Variants in DMD observed in about 807,000 individuals in gnomAD.
DMD encodes dystrophin.
In DMD, 63 loss-of-function variants were observed where a neutral mutation model predicts 330.1. The observed-to-expected ratio is 0.19, with a 90% CI of 0.16 to 0.24. The LOEUF is 0.24. DMD is among the 10% of genes least tolerant of loss of function. The pLI is 1.00. For missense variants in DMD, 3,344 were observed against 2,684.1 expected, an observed-to-expected ratio of 1.25 and a Z score of -5.43; for synonymous variants, 1,223 against 959.8, an observed-to-expected ratio of 1.27 and a Z score of -5.07.
chrX:31,581,379 C>T (rs966916295), intron 55 of DMD, among the ~76,000 whole-genome samples: 1 of 111,949 alleles, frequency 8.9e-6, no homozygotes, highest in African/African-American at 3.3e-5. Flanking sequence ...TAGCACATGT[C>T]GTAGTGTGGC....
rs1569293065 is a variant in DMD at position 31,721,706 on chromosome X, CTCTCTCTCTCTCTA to C, written c.7660+7911_7660+7924del. 2.9e-3 allele frequency among the ~76,000 whole-genome samples: 142 copies of C among 49,304 alleles called. 1 individual carries two copies. The highest frequency in any genetic ancestry group is 0.015 in the East Asian group (22 of 1,489). 42.8% of individuals were successfully genotyped at this position (49,304 alleles called of 115,157 possible). On this transcript the variant is annotated intron_variant, in intron 52 of 78. Transcript: ENST00000357033. ...TCTCACTCTCTCTCTCTCTCTCTCT[CTCTCTCTCTCTCTA>C]TATATATATATATATATATATATAT...
At chrX:32,347,729 G>A (rs2097768705) in intron 38 of DMD, among the ~76,000 whole-genome samples, 1 of 111,676 alleles carries the variant, frequency 9.0e-6, no homozygotes, top group Non-Finnish European at 1.9e-5. Flanking sequence ...ATTGTGAAAA[G>A]GAGGATGAAG....
intron 2 of DMD, among the ~76,000 whole-genome samples, chrX:33,004,205 G>C (rs1310591098): frequency 8.9e-6 from 1 of 112,093 alleles, no homozygotes; most frequent in Non-Finnish European, 1.9e-5. Context: ...CTTTTAAAAA[G>C]GTGTAACTCT....
chrX:31,703,941 C>A (rs1339881513), intron 52 of DMD, among the ~76,000 whole-genome samples: 5 of 110,716 alleles, frequency 4.5e-5, no homozygotes, highest in African/African-American at 1.6e-4. Context: ...GGTAGAAAAA[C>A]CAAAAAGGAA....
chrX:32,591,366 T>C (rs2054886454), intron 13 of DMD, among the ~76,000 whole-genome samples: 1 of 112,206 alleles, frequency 8.9e-6, no homozygotes, highest in Non-Finnish European at 1.9e-5. Context: ...TTAATGGTTT[T>C]GCTTTTTCTT....
intron 60 of DMD, among the ~76,000 whole-genome samples, chrX:31,430,837 T>C (rs1404668732): frequency 1.2e-5 from 1 of 85,022 alleles, no homozygotes; most frequent in East Asian, 4.2e-4. Context: ...GGAGTCTCAC[T>C]CTGTCACCAG....
intron 55 of DMD, among the ~76,000 whole-genome samples, chrX:31,551,907 C>G (rs2074507394): frequency 9.0e-6 from 1 of 111,371 alleles, no homozygotes; most frequent in African/African-American, 3.3e-5. Flanking sequence ...AGACAAGTAC[C>G]AAAAATGTTA....
intron 44 of DMD, among the ~76,000 whole-genome samples, chrX:32,175,901 G>A (rs1040669931): frequency 8.9e-6 from 1 of 111,842 alleles, no homozygotes; most frequent in Non-Finnish European, 1.9e-5. Context: ...CTCAAATATT[G>A]CATCCAGAAG....
intron 1 of DMD, among the ~76,000 whole-genome samples, chrX:33,255,639 C>T (rs1294432649): frequency 1.8e-5 from 2 of 111,022 alleles, no homozygotes; most frequent in African/African-American, 6.5e-5. Flanking sequence ...GACAATTCAC[C>T]TCTGTGTTTC....
chrX:31,388,293 A>G (rs1272966513), intron 60 of DMD, among the ~76,000 whole-genome samples: 9 of 110,210 alleles, frequency 8.2e-5, no homozygotes, highest in Non-Finnish European at 1.5e-4. Flanking sequence ...GTGAGCCACC[A>G]CGCCCGGCCT....
intron 1 of DMD, among the ~76,000 whole-genome samples, chrX:33,168,602 GAGC>G (rs2049179007): frequency 9.1e-6 from 1 of 110,234 alleles, no homozygotes; most frequent in African/African-American, 3.3e-5. Context: ...AAACTTACAT[GAGC>G]CTTCTTTAGG....
chrX:31,505,496 TC>T (rs1478639244), intron 56 of DMD, among the ~76,000 whole-genome samples: 14 of 112,107 alleles, frequency 1.2e-4, no homozygotes, highest in Non-Finnish European at 1.9e-5. Flanking sequence ...CTAGAAAAAA[TC>T]TACTCTCTAT....
At chrX:32,857,805 G>A (rs2081708726) in intron 2 of DMD, among the ~76,000 whole-genome samples, 1 of 111,500 alleles carries the variant, frequency 9.0e-6, no homozygotes, top group Non-Finnish European at 1.9e-5. Flanking sequence ...GACTACGTTT[G>A]GGTTTGGAGA....
chrX:32,924,391 C>T (rs953070281), intron 2 of DMD, among the ~76,000 whole-genome samples: 1 of 110,305 alleles, frequency 9.1e-6, no homozygotes, highest in South Asian at 3.9e-4. Context: ...ATTAGCAGGG[C>T]GTGGTGTGCA....
chrX:31,266,969 G>C (rs1315873525), intron 62 of DMD: 12 of 1,014,197 alleles, frequency 1.2e-5, no homozygotes, highest in Middle Eastern at 3.7e-4. Flanking sequence ...GAGCCGGCGC[G>C]GGCGGGCCGG....
chrX:31,576,804 A>G (rs781316857), intron 55 of DMD, among the ~76,000 whole-genome samples: 22 of 108,231 alleles, frequency 2.0e-4, no homozygotes, highest in Middle Eastern at 5.3e-3. Context: ...GCTGGAGTGC[A>G]GTGGTGCAAT....
rs185131687 is a variant in DMD, at chrX:32,533,405, C to A, written c.2168+11754G>T. ...CTTAATCCCATGTAAGTTTTGTTCG[C>A]ATACAGGCTTTCCCCTGCAATGAAT... On this transcript the variant is annotated intron_variant, in intron 17 of 78. Coordinates refer to ENST00000357033, the MANE Select transcript of DMD (RefSeq NM_004006.3). 6.2e-3 allele frequency among the ~76,000 whole-genome samples: 697 copies of A among 111,940 alleles called. 10 individuals are homozygous for A. The highest frequency in any genetic ancestry group is 0.022 in the African/African-American group (663 of 30,794).
At chrX:32,366,864 G>A (rs1237402967) in intron 34 of DMD, among the ~76,000 whole-genome samples, 2 of 112,138 alleles carry the variant, frequency 1.8e-5, no homozygotes, top group Non-Finnish European at 3.8e-5. Flanking sequence ...ATGGTTTTAT[G>A]TCACATTTTT....
At chrX:31,164,835 C>G (rs1336294902) in intron 74 of DMD, among the ~76,000 whole-genome samples, 1 of 111,432 alleles carries the variant, frequency 9.0e-6, no homozygotes, top group African/African-American at 3.3e-5. Context: ...GTACCACACC[C>G]TTCCCGACCT....
Sources: gnomAD v4.1 joint callset for allele counts (sites outside exome capture counted in the v4.1 genomes callset) on GRCh38, gnomAD v4.1.1 for gene constraint, MANE v1.5 for transcripts, NCBI Gene and HGNC (gene_info 2026-07-23, HGNC 2026-07-21) for gene names.